Variants in PIGN observed in about 807,000 individuals in gnomAD.
PIGN encodes GPI ethanolamine phosphate transferase 1.
A neutral mutation model predicts 125.4 loss-of-function variants in PIGN; 117 were observed. The observed-to-expected ratio is 0.93, with a 90% confidence interval of 0.80 to 1.09. The LOEUF is 1.09. PIGN is among the 50% of genes least tolerant of loss of function. The probability of loss-of-function intolerance (pLI) is 0.00; values close to 1 mark genes in which losing one functional copy is unlikely to be tolerated. For missense variants in PIGN, 1,075 were observed against 1,094.9 expected, an observed-to-expected ratio of 0.98 and a Z score of 0.26; for synonymous variants, 392 against 377.8, an observed-to-expected ratio of 1.04 and a Z score of -0.44.
At chr18:62,142,222 T>C (rs142348829) in intron 11 of PIGN, among the ~76,000 whole-genome samples, 2 of 152,332 alleles carry the variant, frequency 1.3e-5, no homozygotes, top group African/African-American at 4.8e-5. Context: ...TAGCACAAAG[T>C]TGAAACACAC....
chr18:62,062,462 T>C (rs1001675587), intron 30 of PIGN, among the ~76,000 whole-genome samples: 1 of 152,194 alleles, frequency 6.6e-6, no homozygotes, highest in Non-Finnish European at 1.5e-5. Context: ...GAGAATGAGA[T>C]AAACTAAGGT....
intron 17 of PIGN, 106 bp from the exon 18 acceptor site, chr18:62,107,191 G>A (rs1166796633): frequency 2.7e-6 from 2 of 728,264 alleles, no homozygotes; most frequent in Non-Finnish European, 4.7e-6. Flanking sequence ...TCCATTTATA[G>A]ATTATTCAAA....
intron 1 of PIGN, among the ~76,000 whole-genome samples, chr18:62,177,211 C>A (rs1160172936): frequency 6.6e-6 from 1 of 152,094 alleles, no homozygotes; most frequent in Admixed American, 6.6e-5. Context: ...TTCTTCATTT[C>A]TTTTTCTTTC....
At chr18:62,073,787 A>G (rs1248665811) in intron 29 of PIGN, among the ~76,000 whole-genome samples, 1 of 152,204 alleles carries the variant, frequency 6.6e-6, no homozygotes, top group Non-Finnish European at 1.5e-5. Flanking sequence ...ATGGTGACAA[A>G]TTAACCTTAC....
intron 1 of PIGN, among the ~76,000 whole-genome samples, chr18:62,172,741 T>C (rs2037384475): frequency 6.6e-6 from 1 of 152,180 alleles, no homozygotes; most frequent in African/African-American, 2.4e-5. Flanking sequence ...AAAGATAATA[T>C]AAATTTTCCA....
chr18:62,117,083 C>T (rs1366441321), intron 14 of PIGN, among the ~76,000 whole-genome samples: 2 of 151,906 alleles, frequency 1.3e-5, no homozygotes, highest in African/African-American at 4.8e-5. Flanking sequence ...TTGGGACATG[C>T]CAAAGGTAGA....
rs191057191 is a variant in PIGN at position 62,114,205 on chromosome 18, T to C, written c.1251+356A>G. On this transcript the variant is annotated intron_variant, in intron 15 of 30. Transcript: ENST00000640252. ...GGCAAAACCCCATCTCTACTAAAAA[T>C]ACAAAAACTAGCTGGGTGTTGTGGC... 8.6e-5 allele frequency among the ~76,000 whole-genome samples: 13 copies of C among 151,936 alleles called. No homozygotes were observed. The East Asian group carries it at 2.1e-3, about 25-fold the overall frequency.
chr18:62,081,182 T>C (rs191164071), intron 28 of PIGN, among the ~76,000 whole-genome samples: 9 of 152,196 alleles, frequency 5.9e-5, no homozygotes, highest in African/African-American at 2.2e-4. Flanking sequence ...TCCACCCCCA[T>C]CTTAACTGTA....
intron 1 of PIGN, among the ~76,000 whole-genome samples, chr18:62,173,982 A>G (rs1192830070): frequency 1.3e-5 from 2 of 152,146 alleles, no homozygotes; most frequent in Admixed American, 1.3e-4. Flanking sequence ...TTGGGAGGCC[A>G]AGGAGGGCAG....
chr18:62,171,085 T>C (rs1442101458), intron 1 of PIGN, among the ~76,000 whole-genome samples: 1 of 152,192 alleles, frequency 6.6e-6, no homozygotes, highest in Non-Finnish European at 1.5e-5. Context: ...ACAGACCAAC[T>C]GGGGAAGAAC....
chr18:62,176,884 GAAGTT>G (rs2037543427), intron 1 of PIGN, among the ~76,000 whole-genome samples: 1 of 152,010 alleles, frequency 6.6e-6, no homozygotes, highest in African/African-American at 2.4e-5. Context: ...TACATTAGGT[GAAGTT>G]GAGTAAAGGG....
intron 21 of PIGN, 32 bp from the exon 22 acceptor site, chr18:62,101,215 G>C (rs758102292): frequency 5.5e-6 from 7 of 1,270,614 alleles, no homozygotes; most frequent in Non-Finnish European, 8.0e-6. Flanking sequence ...GTTAAAAAAA[G>C]AGAAGGTAGT....
intron 30 of PIGN, among the ~76,000 whole-genome samples, chr18:62,060,309 T>C (rs1481195598): frequency 2.0e-5 from 3 of 152,178 alleles, no homozygotes; most frequent in Non-Finnish European, 2.9e-5. Context: ...GCATGTGTGA[T>C]GGTCGAGGGG....
downstream of PIGN, among the ~76,000 whole-genome samples, chr18:62,040,047 AG>A: frequency 2.3e-5 from 1 of 42,996 alleles, no homozygotes; most frequent in Non-Finnish European, 4.2e-5. Context: ...CCCCATCCAG[AG>A]TGCCGCACCC....
chr18:62,090,565 A>G lies in PIGN; in HGVS notation c.2194T>C (p.Phe732Leu). The G allele has an allele frequency of 1.9e-6, 3 of 1,602,188 alleles. No individual in the cohort carries two copies. Among genetic ancestry groups the G allele is most frequent in the Non-Finnish European group, 2.6e-6 (3 of 1,170,196 alleles). Residue 732 changes from phenylalanine to leucine, a missense_variant, in exon 24 of 31, where the codon TTT becomes CTT. Physicochemically the swap from Phe to Leu is conservative, Grantham distance 22. Transcript: ENST00000640252. ...ATCAAACAAGACAACACTAGTGGAA[A>G]GAGAGCTTCATACCTAACAGGTGGG... ...LLLSTGYEALFPLVLSCLMFV... is the reference protein window; with the variant it reads ...LLLSTGYEALLPLVLSCLMFV...
At chr18:62,038,077 A>C, downstream of PIGN, among the ~76,000 whole-genome samples, 1 of 152,206 alleles carries the variant, frequency 6.6e-6, no homozygotes, top group East Asian at 1.9e-4. Context: ...TTTTTACTAC[A>C]TAATACCAAA....
chr18:62,060,451 T>G (rs1277457310), intron 30 of PIGN, among the ~76,000 whole-genome samples: 25 of 152,220 alleles, frequency 1.6e-4, no homozygotes, highest in Admixed American at 1.6e-3. Context: ...ACCTGTTCAA[T>G]GTACTGGGGC....
intron 14 of PIGN, among the ~76,000 whole-genome samples, chr18:62,120,556 ATATACT>A (rs1599567142): frequency 6.6e-6 from 1 of 152,222 alleles, no homozygotes; most frequent in East Asian, 1.9e-4. Context: ...AAATGTAGCA[ATATACT>A]TATAATTAAA....
At chr18:62,049,786 CT>C (rs1368937086) in intron 30 of PIGN, among the ~76,000 whole-genome samples, 1 of 151,912 alleles carries the variant, frequency 6.6e-6, no homozygotes, top group Non-Finnish European at 1.5e-5. Flanking sequence ...TGCCTATGTC[CT>C]GAATGGTAAT....
Sources: allele counts gnomAD v4.1 joint callset (sites outside exome capture counted in the v4.1 genomes callset), GRCh38; gene constraint gnomAD v4.1.1; transcripts MANE v1.5; gene names NCBI Gene and HGNC (gene_info 2026-07-23, HGNC 2026-07-21).